The following ERAP1 variants were observed in gnomAD, a reference collection of about 807,000 sequenced individuals.
ERAP1 encodes the protein adipocyte-derived leucine aminopeptidase.
Under a neutral mutation model 103.7 loss-of-function variants are expected in ERAP1, and 86 were observed. That is an observed-to-expected ratio of 0.83 (90% CI 0.70 to 0.99). The LOEUF is 0.99. ERAP1 is among the 50% of genes least tolerant of loss of function. The pLI, the probability that ERAP1 is intolerant of heterozygous loss-of-function variation, is 0.00. For missense variants in ERAP1, 1,009 were observed against 1,128.4 expected, an observed-to-expected ratio of 0.89 and a Z score of 1.52; for synonymous variants, 398 against 402.4, an observed-to-expected ratio of 0.99 and a Z score of 0.13.
At chr5:96,762,099 T>C (rs1037565545) in exon 20 of ERAP1, 2 of 438,866 alleles carry the variant, frequency 4.6e-6, no homozygotes, top group Non-Finnish European at 8.2e-6. Context: ...TATAAAATAA[T>C]ACAATAGAGA....
At chr5:96,798,871 CT>C (rs10646647) in intron 3 of ERAP1, among the ~76,000 whole-genome samples, 82 of 124,826 alleles carry the variant, frequency 6.6e-4, no homozygotes, top group Middle Eastern at 4.3e-3. Flanking sequence ...CAAAAATTTC[CT>C]TTTTTTTTTT....
rs1217530724 is a variant in ERAP1, at chr5:96,775,192, CTAT to C, written c.*1201_*1203del. ...TTACCATGTTAGTAAACTGTGCTTT[CTAT>C]TATTATCATCTATACATAAAACCTG... On this transcript the variant is annotated 3_prime_UTR_variant, in exon 19 of 19. Transcript: ENST00000443439. 6.1e-6 allele frequency: 6 copies of C among 985,406 alleles called. No individual in the cohort carries two copies. The highest frequency in any genetic ancestry group is 1.7e-5 in the African/African-American group (1 of 57,214). 61.0% of individuals were successfully genotyped at this position (985,406 alleles called of 1,614,324 possible).
chr5:96,786,133 C>A (rs1775960733), intron 12 of ERAP1, 162 bp from the exon 13 acceptor site: 2 of 686,712 alleles, frequency 2.9e-6, no homozygotes, highest in Admixed American at 4.8e-5. Context: ...ACTCAATAGA[C>A]AAAAGCTAAC....
the ERAP1 span, among the ~76,000 whole-genome samples, chr5:96,874,180 A>AAGAAAGAAAGAAAGAG: frequency 9.7e-5 from 8 of 82,316 alleles, no homozygotes; most frequent in South Asian, 4.2e-4. Context: ...GAAAGAAAGA[A>AAGAAAGAAAGAAAGAG]AGAGAGAGAG....
At chr5:96,876,683 A>G in the ERAP1 span, among the ~76,000 whole-genome samples, 1 of 152,130 alleles carries the variant, frequency 6.6e-6, no homozygotes, top group Admixed American at 6.5e-5. Context: ...CTGTATTAGA[A>G]AGTGTATGCA....
chr5:96,779,622 A>C (rs1237714363), intron 18 of ERAP1: 1 of 153,152 alleles, frequency 6.5e-6, no homozygotes, highest in African/African-American at 2.4e-5. Context: ...GCTTTTATCT[A>C]AATGTACCAC....
rs775323683 is a variant in ERAP1 at position 96,795,177 on chromosome 5, A to G, written c.799-15T>C. The G allele has an allele frequency of 3.7e-5, 60 of 1,612,814 alleles. No homozygotes were observed. Among genetic ancestry groups the G allele is most frequent in the Non-Finnish European group, 4.9e-5 (58 of 1,179,896 alleles). On this transcript the variant is annotated splice_polypyrimidine_tract_variant and intron_variant, in intron 4 of 18. Coordinates refer to ENST00000443439, the MANE Select transcript of ERAP1 (RefSeq NM_001040458.3). ...TAAACAGAAACCTAAAGAGAAAGGC[A>G]CAGAAAGGAATTCAAATATCTTAAC... is the stretch of plus-strand genomic sequence containing the variant.
At chr5:96,800,334 T>A (rs1383432953) in intron 3 of ERAP1, among the ~76,000 whole-genome samples, 1 of 152,234 alleles carries the variant, frequency 6.6e-6, no homozygotes, top group Non-Finnish European at 1.5e-5. Context: ...AAGCTATCTA[T>A]CATGACTTAC....
the ERAP1 span, among the ~76,000 whole-genome samples, chr5:96,863,970 T>C: frequency 2.0e-5 from 3 of 152,186 alleles, no homozygotes; most frequent in Non-Finnish European, 4.4e-5. Context: ...AAGGCTTCCT[T>C]GACTCCAGCT....
rs901731476 is a variant in ERAP1, at chr5:96,790,533, G to C, written c.1431C>G (p.Asp477Glu). ...TCACACTTGCCATACTATCCCACAG[G>C]TCCTCGTTTTTTGTATTTTTATAGC... ...KHSYKNTKNE[D>E]LWDSMASICP... The change falls in exon 9 of 19, where the codon GAC becomes GAG. Residue 477 changes from aspartate (D) to glutamate (E), a missense_variant. By Grantham distance (45) the Asp-to-Glu change is conservative. Around this residue, in one of 3 missense-constraint regions of ERAP1, gnomAD observed 611 missense variants for 651.7 expected, o/e 0.94. Transcript: ENST00000443439. The C allele has an allele frequency of 1.2e-6, 2 of 1,613,824 alleles. No individual in the cohort carries two copies. Among genetic ancestry groups the C allele is most frequent in the Non-Finnish European group, 1.7e-6 (2 of 1,179,858 alleles).
At chr5:96,861,338 C>A in the ERAP1 span, among the ~76,000 whole-genome samples, 1 of 152,182 alleles carries the variant, frequency 6.6e-6, no homozygotes, top group Non-Finnish European at 1.5e-5. Context: ...GACTAACTCT[C>A]TGGTAACAAA....
the ERAP1 span, chr5:96,881,177 C>G: frequency 9.4e-6 from 3 of 318,678 alleles, no homozygotes; most frequent in South Asian, 7.4e-5. Flanking sequence ...TGGGAAATCA[C>G]TGGAGGATTC....
Position 96,788,556 on chromosome 5 carries a change from C to T in ERAP1, c.1654G>A (p.Gly552Ser). The part of the protein sequence containing the change: ...VHMKQEHYMK[G>S]SDGAPDTGYL... ...CCAGTGTCCGGGGCGCCGTCAGAGC[C>T]CTTCATGTAGTGCTCTTGCTTCATG... is the stretch of plus-strand genomic sequence containing the variant. The change falls in exon 11 of 19, where the codon GGC becomes AGC. Residue 552 changes from glycine to serine, a missense_variant. Gly to Ser is a moderately conservative substitution (Grantham distance 56). Around this residue, in one of 3 missense-constraint regions of ERAP1, gnomAD observed 611 missense variants for 651.7 expected, o/e 0.94. Coordinates refer to ENST00000443439, the MANE Select transcript of ERAP1 (RefSeq NM_001040458.3). The T allele has an allele frequency of 6.2e-7, 1 of 1,614,162 alleles. No homozygotes were observed. The highest frequency in any genetic ancestry group is 8.5e-7 in the Non-Finnish European group (1 of 1,180,020).
At chr5:96,845,580 AAATTG>A in the ERAP1 span, among the ~76,000 whole-genome samples, 9 of 152,180 alleles carry the variant, frequency 5.9e-5, no homozygotes, top group African/African-American at 2.2e-4. Context: ...TTTACACATA[AAATTG>A]GTTCTTTTGT....
At chr5:96,889,092 T>C in the ERAP1 span, 2 of 1,448,674 alleles carry the variant, frequency 1.4e-6, no homozygotes, top group Non-Finnish European at 1.9e-6. Context: ...CTTGAAAAGA[T>C]ACAGTCTGCC....
At chr5:96,876,340 T>C in the ERAP1 span, 17 of 152,488 alleles carry the variant, frequency 1.1e-4, no homozygotes, top group East Asian at 3.2e-3. Flanking sequence ...TATTTGTGCA[T>C]TCTACAAAAA....
the ERAP1 span, chr5:96,880,234 A>C: frequency 6.2e-7 from 1 of 1,612,612 alleles, no homozygotes; most frequent in Non-Finnish European, 8.5e-7. Flanking sequence ...ATAAAAGCAC[A>C]TACAGAACTC....
chr5:96,901,400 G>C, the ERAP1 span: 6 of 1,269,482 alleles, frequency 4.7e-6, no homozygotes, highest in Non-Finnish European at 5.5e-6. Context: ...CGAGTCTTCT[G>C]TTCCCCAAGC....
chr5:96,897,898 T>C, the ERAP1 span, among the ~76,000 whole-genome samples: 1 of 152,138 alleles, frequency 6.6e-6, no homozygotes, highest in Non-Finnish European at 1.5e-5. Context: ...CAGTTTACAG[T>C]TTAAAGACAC....
Sources: gnomAD v4.1 joint callset for allele counts (sites outside exome capture counted in the v4.1 genomes callset) on GRCh38, gnomAD v4.1.1 for gene constraint, gnomAD v4.1.1 regional missense constraint, MANE v1.5 for transcripts, NCBI Gene and HGNC (gene_info 2026-07-23, HGNC 2026-07-21) for gene names.